UGT1A10: variants seen among roughly 807,000 people sequenced by gnomAD.
The protein encoded by UGT1A10 is UDP-glucuronosyltransferase 1A10.
UGT1A10 carries 49 observed loss-of-function variants against 45.8 expected under a neutral mutation model. The observed-to-expected ratio is 1.07, with a 90% CI of 0.85 to 1.36. The LOEUF (loss-of-function observed/expected upper bound fraction) is 1.36, where lower values mean the gene tolerates loss of function less well. UGT1A10 is among the 40% of genes most tolerant of loss of function. UGT1A10 has a pLI of 0.00. For missense variants in UGT1A10, 745 were observed against 668.6 expected, an observed-to-expected ratio of 1.11 and a Z score of -1.26; for synonymous variants, 284 against 249.7, an observed-to-expected ratio of 1.14 and a Z score of -1.29.
chr2:233,758,519 G>T (rs1221365461), intron 1 of UGT1A10, among the ~76,000 whole-genome samples: 1 of 152,226 alleles, frequency 6.6e-6, no homozygotes. Context: ...ACAACAAAGA[G>T]TGAAAGCATT....
intron 1 of UGT1A10, chr2:233,693,589 C>A: frequency 6.2e-7 from 1 of 1,614,210 alleles, no homozygotes; most frequent in African/African-American, 1.3e-5. Context: ...TTCCCAGGTG[C>A]TACACAAAGT....
intron 1 of UGT1A10, among the ~76,000 whole-genome samples, chr2:233,727,721 C>A (rs2077642533): frequency 6.6e-6 from 1 of 152,216 alleles, no homozygotes; most frequent in Non-Finnish European, 1.5e-5. Context: ...CCTTGCAGAC[C>A]TTCCTTTTCT....
In UGT1A10 at chr2:233,754,506, C is replaced by T. The variant is rs1695499420; in HGVS notation, c.856-12528C>T. 9 of 356,440 alleles carry T rather than the reference C, an allele frequency of 2.5e-5. 1 individual carries two copies. Among genetic ancestry groups the T allele is most frequent in the Middle Eastern group, 3.8e-4 (1 of 2,606 alleles). The allele number at this position is 356,440 out of a possible 1,614,324, so 22.1% of individuals were successfully genotyped here. ...TCAATCCTAAAAAAAGTCCGCTATT[C>T]CTCCAGATGTGCTTAAAGGCAAATG... On this transcript the variant is annotated intron_variant, in intron 1 of 4. Transcript: ENST00000344644.
chr2:233,661,916 G>A (rs2073979209), intron 1 of UGT1A10, among the ~76,000 whole-genome samples: 1 of 151,954 alleles, frequency 6.6e-6, no homozygotes, highest in Non-Finnish European at 1.5e-5. Flanking sequence ...CATGAGAACT[G>A]TGAGATCAGT....
chr2:233,722,619 T>G (rs1335321752), intron 1 of UGT1A10, among the ~76,000 whole-genome samples: 2 of 152,244 alleles, frequency 1.3e-5, no homozygotes. Context: ...TGATTTTTCT[T>G]AATGAAGCAT....
At chr2:233,714,752 CACTT>C (rs1470277525) in intron 1 of UGT1A10, among the ~76,000 whole-genome samples, 11 of 152,208 alleles carry the variant, frequency 7.2e-5, no homozygotes, top group African/African-American at 2.7e-4. Context: ...ATATATTTGA[CACTT>C]ACAGTATATC....
chr2:233,636,668 T>C lies in UGT1A10; in HGVS notation c.146T>C (p.Ile49Thr). 3 of 1,614,146 alleles carry C rather than the reference T, an allele frequency of 1.9e-6. No homozygotes were observed. The highest frequency in any genetic ancestry group is 2.5e-6 in the Non-Finnish European group (3 of 1,180,028). The change falls in exon 1 of 5, where the codon ATC becomes ACC. Residue 49 changes from isoleucine to threonine, a missense_variant. Coordinates refer to ENST00000344644, the MANE Select transcript of UGT1A10 (RefSeq NM_019075.4). The stretch of plus-strand genomic sequence containing the variant: ...ATGCAGTCGGTGGTGGAGAAACTTA[T>C]CCTCAGGGGGCATGAGGTGGTTGTA... ...FTMQSVVEKLILRGHEVVVVM... is the reference protein window; with the variant it reads ...FTMQSVVEKLTLRGHEVVVVM...
At chr2:233,695,564 A>AC (rs1277678782) in intron 1 of UGT1A10, among the ~76,000 whole-genome samples, 4 of 146,794 alleles carry the variant, frequency 2.7e-5, no homozygotes, top group East Asian at 2.0e-4. Flanking sequence ...AACCATTTTC[A>AC]CCCCCCCTTC....
At chr2:233,744,255 T>C (rs1692752332) in intron 1 of UGT1A10, among the ~76,000 whole-genome samples, 1 of 151,806 alleles carries the variant, frequency 6.6e-6, no homozygotes, top group African/African-American at 2.4e-5. Flanking sequence ...CCTGAAGAAC[T>C]GTTTTTCTTA....
intron 1 of UGT1A10, chr2:233,717,714 T>C: frequency 2.2e-6 from 1 of 453,348 alleles, no homozygotes; most frequent in South Asian, 1.6e-5. Context: ...ACGAGCCTCA[T>C]GGGCATGAGA....
intron 1 of UGT1A10, among the ~76,000 whole-genome samples, chr2:233,757,535 A>AATAAATATACATATACATATATATAT (rs1553619837): frequency 3.1e-4 from 27 of 88,234 alleles, no homozygotes; most frequent in African/African-American, 1.4e-3. Context: ...GCCTGTAAGG[A>AATAAATATACATATACATATATATAT]ATATATATAT....
rs985684086 is a variant in UGT1A10 at position 233,766,924 on chromosome 2, A to C, written c.856-110A>C. 8.4e-5 allele frequency: 132 copies of C among 1,565,450 alleles called. 1 individual carries two copies. In the Middle Eastern group the frequency reaches 1.0e-3, roughly 12 times the overall value. ...ATTTTTTACTCTATCTCAAACACGCATGCCTTTAATCATAGTCTTAAGAGG... is the reference window on the plus strand; with the variant it reads ...ATTTTTTACTCTATCTCAAACACGCCTGCCTTTAATCATAGTCTTAAGAGG... On this transcript the variant is annotated intron_variant, in intron 1 of 4. Coordinates refer to ENST00000344644, the MANE Select transcript of UGT1A10 (RefSeq NM_019075.4).
chr2:233,748,845 C>T (rs936990961), intron 1 of UGT1A10, among the ~76,000 whole-genome samples: 6 of 151,120 alleles, frequency 4.0e-5, no homozygotes, highest in East Asian at 1.9e-4. Context: ...AAACTGTGAG[C>T]GTATAAGCCC....
chr2:233,754,060 T>C (rs141181524), intron 1 of UGT1A10, among the ~76,000 whole-genome samples: 20 of 152,258 alleles, frequency 1.3e-4, no homozygotes, highest in African/African-American at 3.6e-4. Context: ...CCTGCTTTTA[T>C]AAAGCCTGGG....
intron 1 of UGT1A10, chr2:233,691,227 C>T (rs1202389398): frequency 2.0e-6 from 2 of 985,416 alleles, no homozygotes; most frequent in African/African-American, 3.5e-5. Context: ...TTCCTGGAGT[C>T]TTATTGCTAT....
intron 1 of UGT1A10, among the ~76,000 whole-genome samples, chr2:233,642,383 T>A (rs574284328): frequency 6.6e-6 from 1 of 152,360 alleles, no homozygotes; most frequent in Non-Finnish European, 1.5e-5. Flanking sequence ...TCAATCTCTT[T>A]GTTAAATTTA....
Position 233,637,302 on chromosome 2 carries a change from C to G in UGT1A10, c.780C>G (p.Asp260Glu), listed in dbSNP as rs377393900. 6.2e-7 allele frequency: 1 copy of G among 1,613,960 alleles called. No individual in the cohort carries two copies. The highest frequency in any genetic ancestry group is 8.5e-7 in the Non-Finnish European group (1 of 1,179,846). ...TGTTGCGAACGGACTTTGTTTTGGA[C>G]TATCCCAAACCCGTGATGCCCAACA... is the stretch of plus-strand genomic sequence containing the variant. ...IWLLRTDFVL[D>E]YPKPVMPNMI... is the part of the protein sequence containing the mutation. Residue 260 changes from aspartate (D) to glutamate (E), a missense_variant, in exon 1 of 5, where the codon GAC becomes GAG. Asp to Glu is a conservative substitution (Grantham distance 45). Transcript: ENST00000344644.
intron 1 of UGT1A10, chr2:233,672,044 A>C (rs1334800737): frequency 6.2e-7 from 1 of 1,614,120 alleles, no homozygotes; most frequent in South Asian, 1.1e-5. Flanking sequence ...GATGGGAGCC[A>C]CTGGTTCACC....
intron 1 of UGT1A10, among the ~76,000 whole-genome samples, chr2:233,655,562 A>G (rs2073835813): frequency 6.6e-6 from 1 of 152,168 alleles, no homozygotes; most frequent in South Asian, 2.1e-4. Flanking sequence ...AGATAAAGTC[A>G]TCTTGTCCTA....
Sources: gnomAD v4.1 joint callset for allele counts (sites outside exome capture counted in the v4.1 genomes callset) on GRCh38, gnomAD v4.1.1 for gene constraint, MANE v1.5 for transcripts, NCBI Gene and HGNC (gene_info 2026-07-23, HGNC 2026-07-21) for gene names.